CD36: variants seen among roughly 807,000 people sequenced by gnomAD.
CD36 encodes platelet glycoprotein 4.
CD36 carries 119 observed loss-of-function variants against 55.2 expected under a neutral mutation model. The ratio of observed to expected loss-of-function variants is 2.15; its 90% CI spans 1.86 to 2.51. The LOEUF is 2.51. Among genes scored for constraint, CD36 ranks in the 30% most tolerant of loss-of-function variants. The pLI, the probability that CD36 is intolerant of heterozygous loss-of-function variation, is 0.00. For synonymous variants in CD36, 186 were observed against 193.6 expected (o/e 0.96, Z 0.33); for missense variants, 819 against 555.5 (o/e 1.47, Z -4.77).
intron 3 of CD36, among the ~76,000 whole-genome samples, chr7:80,655,031 C>T (rs754098324): frequency 1.3e-5 from 2 of 152,174 alleles, no homozygotes; most frequent in Non-Finnish European, 2.9e-5. Context: ...GTGTGATCCA[C>T]TGGAAAATGT....
intron 1 of CD36, among the ~76,000 whole-genome samples, chr7:80,627,186 A>G (rs1280418856): frequency 6.6e-6 from 1 of 152,022 alleles, no homozygotes; most frequent in African/African-American, 2.4e-5. Flanking sequence ...GCTACATTTG[A>G]TTATATTTTA....
intron 5 of CD36, chr7:80,662,591 T>G (rs1444877607): frequency 4.2e-6 from 1 of 235,742 alleles, no homozygotes; most frequent in Non-Finnish European, 8.6e-6. Context: ...ATGGCTTTTT[T>G]TTTTTTTAAG....
chr7:80,663,415 A>C (rs575029352), intron 6 of CD36, among the ~76,000 whole-genome samples: 1 of 152,272 alleles, frequency 6.6e-6, no homozygotes, highest in Non-Finnish European at 1.5e-5. Flanking sequence ...ACTCATTTAT[A>C]AATACACAAT....
intron 3 of CD36, 100 bp downstream of exon 3, chr7:80,646,960 A>G (rs1795215504): frequency 1.5e-6 from 2 of 1,316,836 alleles, no homozygotes; most frequent in Non-Finnish European, 2.2e-6. Context: ...GGTAACTGCT[A>G]ATTTTGTATC....
upstream of CD36, among the ~76,000 whole-genome samples, chr7:80,636,201 G>A (rs974696256): frequency 1.3e-5 from 2 of 152,090 alleles, no homozygotes; most frequent in Non-Finnish European, 2.9e-5. Flanking sequence ...TAGGAAGTGG[G>A]GGTGATGAAA....
At chr7:80,626,293 G>A (rs1793732567) in intron 1 of CD36, 1 of 151,970 alleles carries the variant, frequency 6.6e-6, no homozygotes, top group Non-Finnish European at 1.5e-5. Flanking sequence ...ACACTATTGA[G>A]CTAAATATTT....
intron 1 of CD36, among the ~76,000 whole-genome samples, chr7:80,612,649 C>A (rs904640885): frequency 6.6e-6 from 1 of 152,112 alleles, no homozygotes; most frequent in African/African-American, 2.4e-5. Context: ...CCAGATACCA[C>A]CTGAAATAGA....
intron 1 of CD36, among the ~76,000 whole-genome samples, chr7:80,624,473 G>A (rs1793639501): frequency 6.6e-6 from 1 of 152,122 alleles, no homozygotes; most frequent in African/African-American, 2.4e-5. Context: ...CTCAGTAATT[G>A]TTATGTTAAT....
chr7:80,632,444 T>C (rs1794135868), intron 1 of CD36, among the ~76,000 whole-genome samples: 1 of 152,086 alleles, frequency 6.6e-6, no homozygotes, highest in African/African-American at 2.4e-5. Flanking sequence ...TCTGCATATG[T>C]ATTTCAGTCT....
chr7:80,651,969 A>G (rs1795659577), intron 3 of CD36, among the ~76,000 whole-genome samples: 1 of 152,170 alleles, frequency 6.6e-6, no homozygotes, highest in African/African-American at 2.4e-5. Context: ...ATTTGTTTAT[A>G]TTACCTTTAT....
chr7:80,633,876 TTA>T (rs1366650138), upstream of CD36, among the ~76,000 whole-genome samples: 2 of 152,064 alleles, frequency 1.3e-5, no homozygotes, highest in Non-Finnish European at 2.9e-5. Context: ...GAATGAAATT[TTA>T]TGTTTTATTT....
At chr7:80,639,709 A>C (rs1794684981) in intron 1 of CD36, 1 of 152,058 alleles carries the variant, frequency 6.6e-6, no homozygotes, top group Admixed American at 6.6e-5. Context: ...GAAGCTAAAA[A>C]ATATTGCTTT....
At chr7:80,670,875 G>A (rs762587376) in intron 9 of CD36, 102 bp from the exon 10 acceptor site, 53 of 827,644 alleles carry the variant, frequency 6.4e-5, no homozygotes, top group Non-Finnish European at 9.9e-5. Context: ...GAATTTAAAA[G>A]AGTATATGAT....
rs1794597420 is a variant in CD36, at chr7:80,638,691, G to A, written c.-239G>A. On this transcript the variant is annotated 5_prime_UTR_variant, in exon 1 of 15. Coordinates refer to ENST00000447544, the MANE Select transcript of CD36 (RefSeq NM_001001548.3). ...GCAGAATACCATTTGATCCTATTAA[G>A]AATTGTCCAAATGTTGGAGCATTTG... 4 of 151,742 alleles carry A rather than the reference G, an allele frequency of 2.6e-5. No individual in the cohort carries two copies. The highest frequency in any genetic ancestry group is 9.7e-5 in the African/African-American group (4 of 41,352). The allele number at this position is 151,742 out of a possible 1,614,324, so 9.4% of individuals were successfully genotyped here.
intron 1 of CD36, among the ~76,000 whole-genome samples, chr7:80,618,036 T>C (rs990755561): frequency 1.3e-5 from 2 of 152,136 alleles, no homozygotes; most frequent in African/African-American, 4.8e-5. Context: ...TAGGAGAAAT[T>C]TTATAAATTT....
At chr7:80,672,102 A>AATAATCTTGTCGATGATTATTTATTC in intron 11 of CD36, 62 bp downstream of exon 11, 2 of 1,282,940 alleles carry the variant, frequency 1.6e-6, no homozygotes. Flanking sequence ...TTGAAATAAA[A>AATAATCTTGTCGATGATTATTTATTC]ATAATCTTGT....
intron 1 of CD36, among the ~76,000 whole-genome samples, chr7:80,632,843 T>A (rs1381620977): frequency 6.6e-6 from 1 of 151,992 alleles, no homozygotes; most frequent in African/African-American, 2.4e-5. Context: ...TCCAGGGCTA[T>A]TATAATATTT....
chr7:80,643,951 A>C (rs761143306), intron 1 of CD36, among the ~76,000 whole-genome samples: 15 of 152,194 alleles, frequency 9.9e-5, no homozygotes, highest in Non-Finnish European at 1.8e-4. Flanking sequence ...GCATTCAATA[A>C]AATATTATGT....
At chr7:80,630,335 GT>G (rs1186646050) in intron 1 of CD36, among the ~76,000 whole-genome samples, 7 of 151,840 alleles carry the variant, frequency 4.6e-5, no homozygotes, top group Non-Finnish European at 1.0e-4. Context: ...AGATATTTGT[GT>G]TTTTCTTTGT....
Sources: allele counts gnomAD v4.1 joint callset (sites outside exome capture counted in the v4.1 genomes callset), GRCh38; gene constraint gnomAD v4.1.1; transcripts MANE v1.5; gene names NCBI Gene and HGNC (gene_info 2026-07-23, HGNC 2026-07-21).